The following SP140L variants were observed in gnomAD, a reference collection of about 807,000 sequenced individuals.
SP140L encodes SP140 like nuclear body protein.
SP140L carries 64 observed loss-of-function variants against 84.3 expected under a neutral mutation model. The observed-to-expected ratio is 0.76, with a 90% CI of 0.62 to 0.94. The LOEUF (loss-of-function observed/expected upper bound fraction) is 0.94, where lower values mean the gene tolerates loss of function less well. Among genes scored for constraint, SP140L ranks in the 40% least tolerant of loss-of-function variants. The probability of loss-of-function intolerance (pLI) is 0.00; values close to 1 mark genes in which losing one functional copy is unlikely to be tolerated. For missense variants in SP140L, 628 were observed against 692.5 expected, an observed-to-expected ratio of 0.91 and a Z score of 1.05; for synonymous variants, 242 against 236.9, an observed-to-expected ratio of 1.02 and a Z score of -0.20.
intron 4 of SP140L, among the ~76,000 whole-genome samples, 158 bp downstream of exon 4, chr2:230,359,290 A>G (rs1266314457): frequency 1.3e-5 from 2 of 152,224 alleles, no homozygotes; most frequent in Admixed American, 6.5e-5. Context: ...AGCCCATGGT[A>G]TATGGCTATG....
chr2:230,364,365 A>G (rs1473970260), intron 5 of SP140L, among the ~76,000 whole-genome samples: 2 of 152,028 alleles, frequency 1.3e-5, no homozygotes, highest in Admixed American at 1.3e-4. Context: ...CAGTGTACAA[A>G]TATTTCACCT....
chr2:230,386,948 T>A (rs1366926585), intron 9 of SP140L, among the ~76,000 whole-genome samples: 1 of 152,190 alleles, frequency 6.6e-6, no homozygotes, highest in Non-Finnish European at 1.5e-5. Flanking sequence ...CTATTCTCAC[T>A]GTACGGTGAG....
chr2:230,393,593 T>A, intron 13 of SP140L, 132 bp downstream of exon 13: 1 of 1,108,650 alleles, frequency 9.0e-7, no homozygotes, highest in South Asian at 2.0e-5. Context: ...CACATATAAA[T>A]TTTTTTAATA....
chr2:230,383,495 CT>C lies in SP140L; in HGVS notation c.638-14del. The C allele has an allele frequency of 6.3e-7, 1 of 1,591,712 alleles. No individual in the cohort carries two copies. Among genetic ancestry groups the C allele is most frequent in the East Asian group, 2.3e-5 (1 of 44,198 alleles). ...ATTCCTCTGTATAATTAACTTTATT[CT>C]CTTTGGTTTGAAGGAAAAAAGAAGG... On this transcript the variant is annotated splice_polypyrimidine_tract_variant and intron_variant, in intron 7 of 18. Coordinates refer to ENST00000415673, the MANE Select transcript of SP140L (RefSeq NM_138402.6).
intron 2 of SP140L, 26 bp from the exon 3 acceptor site, chr2:230,357,779 T>C: frequency 6.3e-7 from 1 of 1,587,180 alleles, no homozygotes; most frequent in Non-Finnish European, 8.5e-7. Context: ...TGATGACCAT[T>C]TTCATTTGGT....
At chr2:230,392,402 A>C (rs1394795601) in intron 12 of SP140L, among the ~76,000 whole-genome samples, 173 bp downstream of exon 12, 1 of 152,162 alleles carries the variant, frequency 6.6e-6, no homozygotes, top group Non-Finnish European at 1.5e-5. Flanking sequence ...ACTACAGTGC[A>C]ACACACTGAT....
chr2:230,395,573 C>T (rs187810298), intron 13 of SP140L, among the ~76,000 whole-genome samples: 59 of 151,952 alleles, frequency 3.9e-4, no homozygotes, highest in African/African-American at 1.4e-3. Context: ...GAGTGAAACC[C>T]TGTCTCAAAA....
In SP140L at chr2:230,393,577, A is replaced by G. The variant is rs994536059; in HGVS notation, c.1155+116A>G. 12 of 1,219,168 alleles carry G rather than the reference A, an allele frequency of 9.8e-6. No homozygotes were observed. In the East Asian group the frequency reaches 1.5e-4, roughly 15 times the overall value. 75.5% of individuals were successfully genotyped at this position (1,219,168 alleles called of 1,614,324 possible). ...CTATAATTAAGCTTTCACCTTCTCC[A>G]CTTCCCACATATAAATTTTTTTAAT... On this transcript the variant is annotated intron_variant, in intron 13 of 18. Coordinates refer to ENST00000415673, the MANE Select transcript of SP140L (RefSeq NM_138402.6).
At chr2:230,378,665 G>A (rs1049131344) in intron 7 of SP140L, among the ~76,000 whole-genome samples, 2 of 152,140 alleles carry the variant, frequency 1.3e-5, no homozygotes, top group African/African-American at 2.4e-5. Flanking sequence ...AATTGACTTC[G>A]CCAATTATTT....
chr2:230,362,474 G>A (rs1326085464), intron 5 of SP140L, among the ~76,000 whole-genome samples: 1 of 152,164 alleles, frequency 6.6e-6, no homozygotes, highest in African/African-American at 2.4e-5. Context: ...CTCATGTAGA[G>A]AGACTCAGAG....
At chr2:230,349,019 C>T (rs1389562571) in intron 2 of SP140L, among the ~76,000 whole-genome samples, 3 of 152,226 alleles carry the variant, frequency 2.0e-5, no homozygotes, top group East Asian at 1.9e-4. Context: ...CCTGCTCTTA[C>T]ATTTAGATCC....
rs1333296119 is a variant in SP140L, at chr2:230,392,102, G to A, written c.980G>A (p.Cys327Tyr). The change falls in exon 12 of 19, where the codon TGT becomes TAT. Residue 327 changes from cysteine (C) to tyrosine (Y), a missense_variant. Cys to Tyr is a radical substitution (Grantham distance 194, BLOSUM62 -2). Coordinates refer to ENST00000415673, the MANE Select transcript of SP140L (RefSeq NM_138402.6). ...EKLEQGTLAK[C>Y]IQTEDGKWFT... ...GGTCTTACAGGAACCTTGGCAAAGT[G>A]TATACAGACTGAGGATGGAAAATGG... 6.2e-7 allele frequency: 1 copy of A among 1,613,930 alleles called. No homozygotes were observed. Among genetic ancestry groups the A allele is most frequent in the South Asian group, 1.1e-5 (1 of 91,078 alleles).
At chr2:230,344,430 T>C (rs1198726154) in intron 2 of SP140L, among the ~76,000 whole-genome samples, 1 of 152,244 alleles carries the variant, frequency 6.6e-6, no homozygotes, top group Non-Finnish European at 1.5e-5. Context: ...GAGATAGGTC[T>C]CTTGAAGATG....
At chr2:230,352,834 A>G (rs1269644414) in intron 2 of SP140L, among the ~76,000 whole-genome samples, 2 of 150,698 alleles carry the variant, frequency 1.3e-5, no homozygotes, top group Non-Finnish European at 3.0e-5. Context: ...ATATATTTGT[A>G]TACACACATG....
chr2:230,391,480 C>A (rs1484588166), intron 11 of SP140L, among the ~76,000 whole-genome samples: 1 of 152,100 alleles, frequency 6.6e-6, no homozygotes, highest in Non-Finnish European at 1.5e-5. Flanking sequence ...ATGGGGTTGA[C>A]TATCTTTTAT....
At chr2:230,335,611 C>G (rs2059847393) in intron 2 of SP140L, among the ~76,000 whole-genome samples, 1 of 151,746 alleles carries the variant, frequency 6.6e-6, no homozygotes, top group Admixed American at 6.6e-5. Flanking sequence ...TTTTTTGTGG[C>G]CTAGTGCATA....
intron 5 of SP140L, among the ~76,000 whole-genome samples, 158 bp downstream of exon 5, chr2:230,361,855 A>G (rs1341799221): frequency 2.0e-5 from 3 of 152,206 alleles, no homozygotes; most frequent in Non-Finnish European, 4.4e-5. Context: ...GCTCCTAATC[A>G]GATGCAGGGT....
intron 11 of SP140L, 92 bp downstream of exon 11, chr2:230,390,115 A>G: frequency 8.3e-7 from 1 of 1,202,544 alleles, no homozygotes; most frequent in Non-Finnish European, 1.2e-6. Flanking sequence ...ACATCATTCA[A>G]GGAGTTTTGG....
intron 7 of SP140L, among the ~76,000 whole-genome samples, chr2:230,382,762 C>T (rs775808841): frequency 5.9e-5 from 9 of 152,186 alleles, no homozygotes; most frequent in African/African-American, 9.7e-5. Flanking sequence ...GGTCACTATC[C>T]GGGAAGGAGA....
Sources: allele counts gnomAD v4.1 joint callset (sites outside exome capture counted in the v4.1 genomes callset), GRCh38; gene constraint gnomAD v4.1.1; transcripts MANE v1.5; gene names NCBI Gene and HGNC (gene_info 2026-07-23, HGNC 2026-07-21).